The following DLGAP2 variants were observed in gnomAD, a reference collection of about 807,000 sequenced individuals.
DLGAP2 encodes the protein disks large-associated protein 2.
DLGAP2 carries 26 observed loss-of-function variants against 100.3 expected under a neutral mutation model. The ratio of observed to expected loss-of-function variants is 0.26; its 90% CI spans 0.19 to 0.36. The LOEUF (loss-of-function observed/expected upper bound fraction) is 0.36. DLGAP2 is among the 10% of genes least tolerant of loss of function. The pLI is 1.00. For missense variants in DLGAP2, 1,858 were observed against 1,453.2 expected (o/e 1.28, Z -4.53); for synonymous variants, 886 against 630.1 (o/e 1.41, Z -6.08).
intron 2 of DLGAP2, among the ~76,000 whole-genome samples, chr8:1,143,299 A>G (rs1292115893): frequency 6.6e-6 from 1 of 152,230 alleles, no homozygotes; most frequent in Non-Finnish European, 1.5e-5. Context: ...CATCCTAAGC[A>G]GGGTGTCTGT....
At chr8:837,541 C>A (rs943802093) in intron 1 of DLGAP2, among the ~76,000 whole-genome samples, 4 of 151,938 alleles carry the variant, frequency 2.6e-5, no homozygotes, top group Non-Finnish European at 5.9e-5. Context: ...GCGGTGCAGA[C>A]GTGTTTTTAT....
At chr8:793,602 C>T (rs576699908) in intron 1 of DLGAP2, among the ~76,000 whole-genome samples, 2 of 152,316 alleles carry the variant, frequency 1.3e-5, no homozygotes, top group Admixed American at 1.3e-4. Flanking sequence ...CTCTGAAACT[C>T]CTCTTCTGAG....
At chr8:1,177,110 A>C (rs1357129470) in intron 2 of DLGAP2, among the ~76,000 whole-genome samples, 1 of 152,190 alleles carries the variant, frequency 6.6e-6, no homozygotes, top group Non-Finnish European at 1.5e-5. Flanking sequence ...AACCTGTTAT[A>C]CGTGGTCTAA....
At chr8:824,821 C>G (rs1796655892) in intron 1 of DLGAP2, among the ~76,000 whole-genome samples, 1 of 152,322 alleles carries the variant, frequency 6.6e-6, no homozygotes, top group Middle Eastern at 3.4e-3. Flanking sequence ...TTTCTGCCCA[C>G]TGGTTTGGTG....
At chr8:1,130,942 G>C (rs1796280529) in intron 2 of DLGAP2, among the ~76,000 whole-genome samples, 1 of 152,144 alleles carries the variant, frequency 6.6e-6, no homozygotes, top group Non-Finnish European at 1.5e-5. Context: ...GGGGAAGGGT[G>C]GCTCTGAGGG....
rs754461566 is a variant in DLGAP2, at chr8:1,626,724, T to C, written c.1443-16T>C. 6.3e-7 allele frequency: 1 copy of C among 1,586,956 alleles called. No individual in the cohort carries two copies. Among genetic ancestry groups the C allele is most frequent in the Admixed American group, 1.8e-5 (1 of 56,266 alleles). Reference sequence around the variant, plus strand: ...GTGCTCACAGAATGCCTTTTCTCCTTTCTTCTTTCCTGTAGCCAGACCTAC... The same window carrying C: ...GTGCTCACAGAATGCCTTTTCTCCTCTCTTCTTTCCTGTAGCCAGACCTAC... On this transcript the variant is annotated splice_polypyrimidine_tract_variant and intron_variant, in intron 6 of 14. Coordinates refer to ENST00000637795, the MANE Select transcript of DLGAP2 (RefSeq NM_001346810.2).
chr8:758,632 A>T (rs1310191170), intron 1 of DLGAP2, among the ~76,000 whole-genome samples: 4 of 151,782 alleles, frequency 2.6e-5, no homozygotes, highest in African/African-American at 9.7e-5. Context: ...TGCAGTCATG[A>T]CTCACTGCAG....
At chr8:1,429,359 G>A (rs779105632) in intron 3 of DLGAP2, among the ~76,000 whole-genome samples, 4 of 152,096 alleles carry the variant, frequency 2.6e-5, no homozygotes, top group South Asian at 2.1e-4. Flanking sequence ...ATTGGCCTCC[G>A]AATTAAACTT....
chr8:976,652 G>T (rs1375098245), intron 2 of DLGAP2, among the ~76,000 whole-genome samples: 1 of 152,074 alleles, frequency 6.6e-6, no homozygotes, highest in Admixed American at 6.6e-5. Context: ...TGCAAATAGG[G>T]CCAACCAATC....
chr8:1,464,546 T>A (rs1007226191), intron 3 of DLGAP2, among the ~76,000 whole-genome samples: 1 of 151,436 alleles, frequency 6.6e-6, no homozygotes, highest in Non-Finnish European at 1.5e-5. Flanking sequence ...ACAATACCCT[T>A]CCAGGACGAC....
At chr8:818,790 G>T (rs1027415845) in intron 1 of DLGAP2, among the ~76,000 whole-genome samples, 1 of 152,284 alleles carries the variant, frequency 6.6e-6, no homozygotes. Flanking sequence ...GAATCATAAA[G>T]TTAGAAGAAA....
chr8:1,570,670 G>C (rs1158587858), intron 6 of DLGAP2, among the ~76,000 whole-genome samples: 2 of 152,142 alleles, frequency 1.3e-5, no homozygotes, highest in East Asian at 1.9e-4. Context: ...TGCTGGGATG[G>C]AGGGAGGGGT....
At chr8:1,291,765 G>A (rs1026570356) in intron 3 of DLGAP2, among the ~76,000 whole-genome samples, 1 of 152,074 alleles carries the variant, frequency 6.6e-6, no homozygotes, top group Non-Finnish European at 1.5e-5. Context: ...ACCCAACATT[G>A]AGCCCCCGGG....
At chr8:1,469,520 G>T (rs143589040) in intron 3 of DLGAP2, among the ~76,000 whole-genome samples, 1 of 152,166 alleles carries the variant, frequency 6.6e-6, no homozygotes. Context: ...GGAGAGAGAC[G>T]TCTGCTGCTG....
At chr8:1,292,645 A>G (rs1041577038) in intron 3 of DLGAP2, among the ~76,000 whole-genome samples, 3 of 152,228 alleles carry the variant, frequency 2.0e-5, no homozygotes, top group African/African-American at 4.8e-5. Context: ...CTGTTACCCA[A>G]TGTAACGGCC....
At chr8:1,552,001 A>AT (rs962700033) in intron 5 of DLGAP2, among the ~76,000 whole-genome samples, 14 of 151,440 alleles carry the variant, frequency 9.2e-5, no homozygotes, top group Admixed American at 2.6e-4. Context: ...CTCCCCCTAG[A>AT]TTTTTTTTGT....
rs1801152507 is a variant in DLGAP2 at position 1,331,294 on chromosome 8, G to C, written c.106+72411G>C. ...GAGGTCCTGGAAGCCACAGTGTCTG[G>C]GGTTATGCTGGTTGGGTGGGTTGGC... is the stretch of plus-strand genomic sequence containing the variant. On this transcript the variant is annotated intron_variant, in intron 3 of 14. Coordinates refer to ENST00000637795, the MANE Select transcript of DLGAP2 (RefSeq NM_001346810.2). Among the ~76,000 whole-genome samples, 4 of 152,174 alleles carry C rather than the reference G, an allele frequency of 2.6e-5. No homozygotes were observed. In the South Asian group the frequency reaches 8.3e-4, roughly 32 times the overall value.
chr8:1,678,411 A>C lies in DLGAP2; in HGVS notation c.2486A>C (p.Tyr829Ser). The change falls in exon 12 of 15, where the codon TAT becomes TCT. Residue 829 changes from tyrosine (Y) to serine (S), a missense_variant. Transcript: ENST00000637795. ...GTACGGACCCAGGGGCTCTTCAGCTATAGAGAAGACTATCGGACCCAAGTG... is the reference window on the plus strand; with the variant it reads ...GTACGGACCCAGGGGCTCTTCAGCTCTAGAGAAGACTATCGGACCCAAGTG... Reference protein sequence around the residue: ...RTVRTQGLFSYREDYRTQVDT... With the variant: ...RTVRTQGLFSSREDYRTQVDT... 5 of 1,613,822 alleles carry C rather than the reference A, an allele frequency of 3.1e-6. No homozygotes were observed. The highest frequency in any genetic ancestry group is 4.2e-6 in the Non-Finnish European group (5 of 1,179,784).
intron 4 of DLGAP2, among the ~76,000 whole-genome samples, chr8:1,511,208 G>A (rs557453038): frequency 5.1e-4 from 78 of 151,608 alleles, no homozygotes; most frequent in African/African-American, 1.6e-3. Flanking sequence ...CGTAAGTGCT[G>A]TCTAGTGTAA....
Sources: allele counts gnomAD v4.1 joint callset (sites outside exome capture counted in the v4.1 genomes callset), GRCh38; gene constraint gnomAD v4.1.1; transcripts MANE v1.5; gene names NCBI Gene and HGNC (gene_info 2026-07-23, HGNC 2026-07-21).